Variants in ADGRF5 observed in about 807,000 individuals in gnomAD.
ADGRF5 encodes G-protein coupled receptor 116.
A neutral mutation model predicts 132.3 loss-of-function variants in ADGRF5; 75 were observed. The observed-to-expected ratio is 0.57, with a 90% CI of 0.47 to 0.69. ADGRF5 has a LOEUF of 0.69. Among genes scored for constraint, ADGRF5 ranks in the 30% least tolerant of loss-of-function variants. The pLI, the probability that ADGRF5 is intolerant of heterozygous loss-of-function variation, is 0.00. For missense variants in ADGRF5, 1,516 were observed against 1,630.6 expected (o/e 0.93, Z 1.21); for synonymous variants, 629 against 597.6 (o/e 1.05, Z -0.77).
rs1768733752 is a variant in ADGRF5 at position 46,853,801 on chromosome 6, C to A, written c.*191G>T. 2.2e-6 allele frequency: 1 copy of A among 459,258 alleles called. No individual in the cohort carries two copies. Among genetic ancestry groups the A allele is most frequent in the African/African-American group, 2.1e-5 (1 of 47,958 alleles). 28.4% of individuals were successfully genotyped at this position (459,258 alleles called of 1,614,324 possible). A position where few individuals can be genotyped will look rare whatever the true frequency, so the allele number is the denominator to read the frequency against. On this transcript the variant is annotated 3_prime_UTR_variant, in exon 21 of 21. Coordinates refer to ENST00000283296, the MANE Select transcript of ADGRF5 (RefSeq NM_001098518.2). ...TCACACAAGGGGGAGGGGGAGGGAA[C>A]AAACAGAAACATAACAATTATTTTT...
intron 10 of ADGRF5, among the ~76,000 whole-genome samples, chr6:46,877,289 T>TTCTC (rs71544214): frequency 1.2e-4 from 8 of 68,116 alleles, no homozygotes; most frequent in South Asian, 4.6e-4. Flanking sequence ...CTTTCTTTCT[T>TTCTC]TCTCTCTCTC....
intron 10 of ADGRF5, among the ~76,000 whole-genome samples, chr6:46,877,230 T>C (rs890134801): frequency 1.0e-4 from 2 of 19,542 alleles, no homozygotes; most frequent in African/African-American, 2.8e-4. Flanking sequence ...TTCCTCTCTT[T>C]CTTTCTTTCT....
chr6:46,911,739 A>G (rs949809028), intron 1 of ADGRF5, among the ~76,000 whole-genome samples: 1 of 152,296 alleles, frequency 6.6e-6, no homozygotes, highest in South Asian at 2.1e-4. Flanking sequence ...TCATTTGTGT[A>G]TTCCTTTACT....
At chr6:46,891,462 C>T (rs952386606) in intron 3 of ADGRF5, among the ~76,000 whole-genome samples, 7 of 152,226 alleles carry the variant, frequency 4.6e-5, no homozygotes, top group African/African-American at 7.2e-5. Context: ...GGGTTCACTA[C>T]CTCCAGGATC....
chr6:46,902,530 C>T (rs984056244), intron 2 of ADGRF5, among the ~76,000 whole-genome samples: 2 of 152,208 alleles, frequency 1.3e-5, no homozygotes, highest in Non-Finnish European at 2.9e-5. Flanking sequence ...TTGGTCTCCC[C>T]TGCCCCCAGT....
At chr6:46,889,576 A>G (rs887206535) in intron 3 of ADGRF5, among the ~76,000 whole-genome samples, 1 of 145,020 alleles carries the variant, frequency 6.9e-6, no homozygotes. Flanking sequence ...GTGTATATAT[A>G]TATATATATA....
At chr6:46,860,608 GA>G (rs1262072641) in intron 16 of ADGRF5, 106 bp downstream of exon 16, 19 of 764,210 alleles carry the variant, frequency 2.5e-5, no homozygotes, top group Middle Eastern at 5.1e-4. Flanking sequence ...CACTGCTCTG[GA>G]AAAGACAGAG....
chr6:46,954,740 C>A (rs1451153197), exon 1 of ADGRF5: 1 of 152,226 alleles, frequency 6.6e-6, no homozygotes, highest in Non-Finnish European at 1.5e-5. Flanking sequence ...CTACCTTTCT[C>A]TTCTGGAGTT....
At chr6:46,925,676 G>C (rs1360183758), upstream of ADGRF5, among the ~76,000 whole-genome samples, 1 of 152,242 alleles carries the variant, frequency 6.6e-6, no homozygotes, top group Non-Finnish European at 1.5e-5. Context: ...AGAATTGCTT[G>C]AACCTGAGAG....
upstream of ADGRF5, among the ~76,000 whole-genome samples, chr6:46,923,223 G>A (rs938541512): frequency 6.6e-6 from 1 of 152,158 alleles, no homozygotes; most frequent in Admixed American, 6.5e-5. Flanking sequence ...ACTGCTCCTG[G>A]CCCTGAGATT....
rs1192876754 is a variant in ADGRF5, at chr6:46,884,094, C to T, written c.505+1G>A. The stretch of plus-strand genomic sequence containing the variant: ...CGAGCATTTAATGAGCAGTTACTTA[C>T]CTTCCTGAAGCAGGCAAAAAGGTCC... On this transcript the variant is annotated splice_donor_variant, in intron 5 of 20. Transcript: ENST00000283296. LOFTEE classifies it high-confidence loss of function. The T allele has an allele frequency of 3.7e-6, 6 of 1,612,732 alleles. No homozygotes were observed. The highest frequency in any genetic ancestry group is 1.7e-5 in the Admixed American group (1 of 59,938).
intron 1 of ADGRF5, among the ~76,000 whole-genome samples, chr6:46,932,128 T>A (rs1039442265): frequency 6.6e-6 from 1 of 152,204 alleles, no homozygotes; most frequent in Non-Finnish European, 1.5e-5. Context: ...TTTTTTACCA[T>A]GCAAGTTTCT....
chr6:46,920,511 T>G (rs1776815398), intron 1 of ADGRF5, among the ~76,000 whole-genome samples: 1 of 100,570 alleles, frequency 9.9e-6, no homozygotes, highest in Non-Finnish European at 1.8e-5. Context: ...AGAAAACAAT[T>G]GATAGAATAA....
chr6:46,877,511 A>G (rs983436999), intron 10 of ADGRF5, among the ~76,000 whole-genome samples: 1 of 151,882 alleles, frequency 6.6e-6, no homozygotes, highest in Non-Finnish European at 1.5e-5. Flanking sequence ...AAGCAGTAAC[A>G]TATTTTTTAA....
At chr6:46,910,383 T>C (rs1775821333) in intron 1 of ADGRF5, among the ~76,000 whole-genome samples, 1 of 152,154 alleles carries the variant, frequency 6.6e-6, no homozygotes, top group Admixed American at 6.6e-5. Flanking sequence ...TAATTGGTTA[T>C]TAATTATAAT....
In ADGRF5 at chr6:46,867,040, A is replaced by G; in HGVS notation, c.1719T>C (p.Val573=). The change falls in exon 13 of 21, where the codon GTT becomes GTC. Residue 573 remains valine, a synonymous_variant. Coordinates refer to ENST00000283296, the MANE Select transcript of ADGRF5 (RefSeq NM_001098518.2). ...ATGAAACAGTAGCTTCCAAAGGATCAACCATGATGTTCAGCTTTAGAGGCA... is the reference window on the plus strand; with the variant it reads ...ATGAAACAGTAGCTTCCAAAGGATCGACCATGATGTTCAGCTTTAGAGGCA... ...HPLPLKLNIM[V]DPLEATVSCS... The G allele has an allele frequency of 6.2e-7, 1 of 1,613,804 alleles. No individual in the cohort carries two copies. The highest frequency in any genetic ancestry group is 8.5e-7 in the Non-Finnish European group (1 of 1,179,656).
At chr6:46,859,770 A>G (rs1769512048) in intron 16 of ADGRF5, among the ~76,000 whole-genome samples, 1 of 152,150 alleles carries the variant, frequency 6.6e-6, no homozygotes, top group African/African-American at 2.4e-5. Flanking sequence ...CACCCACTAC[A>G]CACCCTACTC....
chr6:46,910,007 C>CAATAAAATAAAATAAAATAA (rs3030416), intron 1 of ADGRF5, among the ~76,000 whole-genome samples: 1 of 148,488 alleles, frequency 6.7e-6, no homozygotes, highest in Non-Finnish European at 1.5e-5. Flanking sequence ...CCCTATCTCT[C>CAATAAAATAAAATAAAATAA]AATAAAATAA....
intron 14 of ADGRF5, among the ~76,000 whole-genome samples, chr6:46,864,242 ACT>A (rs1424784700): frequency 2.0e-5 from 3 of 152,136 alleles, no homozygotes; most frequent in Admixed American, 2.0e-4. Flanking sequence ...CATAGCAATG[ACT>A]CTGTAAAACA....
Sources: allele counts gnomAD v4.1 joint callset (sites outside exome capture counted in the v4.1 genomes callset), GRCh38; gene constraint gnomAD v4.1.1; transcripts MANE v1.5; gene names NCBI Gene and HGNC (gene_info 2026-07-23, HGNC 2026-07-21).